The following SEMA3B variants were observed in gnomAD, a reference collection of about 807,000 sequenced individuals.
SEMA3B encodes the protein semaphorin-3B.
SEMA3B carries 71 observed loss-of-function variants against 77.8 expected under a neutral mutation model. The observed-to-expected ratio is 0.91, with a 90% CI of 0.75 to 1.11. The LOEUF (loss-of-function observed/expected upper bound fraction) is 1.11. Ranked by LOEUF, SEMA3B falls within the 50% of genes most tolerant of loss-of-function variation. The probability of loss-of-function intolerance (pLI) is 0.00; values close to 1 mark genes in which losing one functional copy is unlikely to be tolerated. For missense variants in SEMA3B, 968 were observed against 1,056.8 expected (o/e 0.92, Z 1.17); for synonymous variants, 470 against 452.9 (o/e 1.04, Z -0.48).
At position 50,273,881 on chromosome 3, in the gene SEMA3B, G is replaced by T; in HGVS notation, c.993-32G>T. On this transcript the variant is annotated intron_variant, in intron 9 of 16. Transcript: ENST00000616701. The surrounding 1 kb of genome is among the most constrained non-coding windows in gnomAD (Gnocchi z 6.5). Reference sequence around the variant, plus strand: ...GGGGCGGGCCGCTGGGCTCCACCCGGCCCCTCACCTCGCCCTGGTCTTCGC... The same window carrying T: ...GGGGCGGGCCGCTGGGCTCCACCCGTCCCCTCACCTCGCCCTGGTCTTCGC... The T allele has an allele frequency of 6.3e-7, 1 of 1,575,634 alleles. No individual in the cohort carries two copies.
At chr3:50,272,527 A>G (rs1203019062) in intron 6 of SEMA3B, among the ~76,000 whole-genome samples, 2 of 152,108 alleles carry the variant, frequency 1.3e-5, no homozygotes, top group Admixed American at 1.3e-4. Context: ...CCTGGCCAAC[A>G]TGGTGTAACC....
At chr3:50,262,161 G>A in the SEMA3B span, 1 of 152,180 alleles carries the variant, frequency 6.6e-6, no homozygotes, top group African/African-American at 2.4e-5. Flanking sequence ...TGGGCATGAT[G>A]ACGGGTGCCT....
At position 50,271,116 on chromosome 3, in the gene SEMA3B, G is replaced by A. The variant is rs781984445; in HGVS notation, c.479G>A (p.Arg160Lys). Reference protein sequence around the residue: ...EEPVLRLDPGRIEDGKGKSPY... With the variant: ...EEPVLRLDPGKIEDGKGKSPY... ...CCCGTCCTCCGGCTGGACCCAGGAAGGATAGAGGATGGCAAGGGGAAGAGT... is the reference window on the plus strand; with the variant it reads ...CCCGTCCTCCGGCTGGACCCAGGAAAGATAGAGGATGGCAAGGGGAAGAGT... Residue 160 changes from arginine (R) to lysine (K), a missense_variant, in exon 5 of 17, where the codon AGG (arginine) becomes AAG (lysine). By Grantham distance (26) the Arg-to-Lys change is conservative. Coordinates refer to ENST00000616701, the MANE Select transcript of SEMA3B (RefSeq NM_001290060.2). 8 of 1,584,410 alleles carry A rather than the reference G, an allele frequency of 5.0e-6. No individual in the cohort carries two copies. In the South Asian group the frequency reaches 9.2e-5, roughly 18 times the overall value.
At position 50,275,734 on chromosome 3, in the gene SEMA3B, A is replaced by G. The variant is rs1553706493; in HGVS notation, c.1735A>G (p.Lys579Glu). Residue 579 changes from lysine (K) to glutamate (E), a missense_variant, in exon 16 of 17, where the codon AAG (lysine) becomes GAG (glutamate). Transcript: ENST00000616701. This position sits in a 1 kb window ranked among gnomAD's most constrained non-coding sequence, Gnocchi z 7.5. ...DSSRPALLEH[K>E]VFGVEGSSAF... ...GTCTCGTCCCGCGCTGCTGGAACAC[A>G]AGGTGTTCGGCGTGGAGGGCAGCAG... is the stretch of plus-strand genomic sequence containing the variant. 2 of 1,613,170 alleles carry G rather than the reference A, an allele frequency of 1.2e-6. No homozygotes were observed. The highest frequency in any genetic ancestry group is 1.7e-6 in the Non-Finnish European group (2 of 1,179,710).
chr3:50,272,243 G>C (rs587717404), intron 6 of SEMA3B, among the ~76,000 whole-genome samples: 2 of 152,258 alleles, frequency 1.3e-5, no homozygotes, highest in South Asian at 4.1e-4. Flanking sequence ...CTGCAGGACA[G>C]AGCAGACCCT....
At position 50,270,498 on chromosome 3, in the gene SEMA3B, G is replaced by A; in HGVS notation, c.330+3G>A. ...ACTGGGCAGGGAAGGACATTGGTGTGAGTGCCAGCTGCCCGGGCCGGGAGT... is the reference window on the plus strand; with the variant it reads ...ACTGGGCAGGGAAGGACATTGGTGTAAGTGCCAGCTGCCCGGGCCGGGAGT... On this transcript the variant is annotated splice_donor_region_variant and intron_variant, in intron 3 of 16. Coordinates refer to ENST00000616701, the MANE Select transcript of SEMA3B (RefSeq NM_001290060.2). This position sits in a 1 kb window ranked among gnomAD's most constrained non-coding sequence, Gnocchi z 4.7. 1 of 1,613,548 alleles carries A rather than the reference G, an allele frequency of 6.2e-7. No individual in the cohort carries two copies. Among genetic ancestry groups the A allele is most frequent in the Non-Finnish European group, 8.5e-7 (1 of 1,179,864 alleles).
chr3:50,272,855 A>AAATAATAATAATAATAATAATAAT lies in SEMA3B; in HGVS notation c.665-440_665-417dup, dbSNP rs55666696. Reference sequence around the variant, plus strand: ...TGTCTCAAAAAATAAATAAATAAACAAATAATAATAATAATAATAATAATA... The same window carrying AAATAATAATAATAATAATAATAAT: ...TGTCTCAAAAAATAAATAAATAAACAAATAATAATAATAATAATAATAATAATAATAATAATAATAATAATAATA... On this transcript the variant is annotated intron_variant, in intron 6 of 16. Transcript: ENST00000616701. Among the ~76,000 whole-genome samples the AAATAATAATAATAATAATAATAAT allele has an allele frequency of 9.5e-3, 1,377 of 145,544 alleles. 14 individuals are homozygous for AAATAATAATAATAATAATAATAAT. The highest frequency in any genetic ancestry group is 0.023 in the African/African-American group (925 of 39,562).
rs1254890011 is a variant in SEMA3B, at chr3:50,269,899, T to G, written c.110-228T>G. 6.6e-6 allele frequency among the ~76,000 whole-genome samples: 1 copy of G among 152,178 alleles called. No individual in the cohort carries two copies. The highest frequency in any genetic ancestry group is 1.5e-5 in the Non-Finnish European group (1 of 68,018). On this transcript the variant is annotated intron_variant, in intron 1 of 16. Coordinates refer to ENST00000616701, the MANE Select transcript of SEMA3B (RefSeq NM_001290060.2). This position sits in a 1 kb window ranked among gnomAD's most constrained non-coding sequence, Gnocchi z 4.0. ...CACCACCTGTCTGAGCATGCCCAAG[T>G]TCAACCTGCCTTCCTCTTCCTGGGG...
the SEMA3B span, chr3:50,261,718 AGGGAGCCC>A: frequency 6.6e-6 from 1 of 152,368 alleles, no homozygotes; most frequent in Non-Finnish European, 1.5e-5. Flanking sequence ...CCCATGTTCC[AGGGAGCCC>A]CATGGCTTCT....
Position 50,275,338 on chromosome 3 carries a change from C to A in SEMA3B, c.1528C>A (p.Gln510Lys). 1 of 1,581,310 alleles carries A rather than the reference C, an allele frequency of 6.3e-7. No homozygotes were observed. The highest frequency in any genetic ancestry group is 2.3e-5 in the East Asian group (1 of 42,854). Reference sequence around the variant, plus strand: ...CGTAGCCTCGCGGAGCGCGGTGGCCCAGATCGCGTTGCACCGCTGCGCTGC... The same window carrying A: ...CGTAGCCTCGCGGAGCGCGGTGGCCAAGATCGCGTTGCACCGCTGCGCTGC... ...LYVASRSAVAQIALHRCAAHG... is the reference protein window; with the variant it reads ...LYVASRSAVAKIALHRCAAHG... The change falls in exon 14 of 17, where the codon CAG (glutamine) becomes AAG (lysine). Residue 510 changes from glutamine to lysine, a missense_variant. Coordinates refer to ENST00000616701, the MANE Select transcript of SEMA3B (RefSeq NM_001290060.2). The surrounding 1 kb of genome is among the most constrained non-coding windows in gnomAD (Gnocchi z 7.5).
Position 50,275,065 on chromosome 3 carries a change from G to A in SEMA3B, c.1491+12G>A. 6.3e-7 allele frequency: 1 copy of A among 1,576,866 alleles called. No homozygotes were observed. The highest frequency in any genetic ancestry group is 8.6e-7 in the Non-Finnish European group (1 of 1,157,392). On this transcript the variant is annotated intron_variant, in intron 13 of 16. Transcript: ENST00000616701. This position sits in a 1 kb window ranked among gnomAD's most constrained non-coding sequence, Gnocchi z 7.5. ...TTTCTTCCAAGAGGGTGAGTGACCA[G>A]GATGGGGGTCGGGGTGGGATGGACT...
At position 50,269,163 on chromosome 3, in the gene SEMA3B, C is replaced by T; in HGVS notation, c.-78C>T. 1 of 1,092,030 alleles carries T rather than the reference C, an allele frequency of 9.2e-7. No homozygotes were observed. The highest frequency in any genetic ancestry group is 1.3e-6 in the Non-Finnish European group (1 of 744,026). The allele number at this position is 1,092,030 out of a possible 1,614,324, so 67.6% of individuals were successfully genotyped here. On this transcript the variant is annotated 5_prime_UTR_variant, in exon 1 of 17. Transcript: ENST00000616701. The surrounding 1 kb of genome is among the most constrained non-coding windows in gnomAD (Gnocchi z 4.0). Reference sequence around the variant, plus strand: ...CTCACTGCTGACTCCTCTTCCAGATCCTGGGGCAGAGTCCAGGGCAGCTCA... The same window carrying T: ...CTCACTGCTGACTCCTCTTCCAGATTCTGGGGCAGAGTCCAGGGCAGCTCA...
At position 50,276,765 on chromosome 3, in the gene SEMA3B, C is replaced by G. The variant is rs1701269984; in HGVS notation, c.*59C>G. On this transcript the variant is annotated 3_prime_UTR_variant, in exon 17 of 17. Transcript: ENST00000616701. The surrounding 1 kb of genome is among the most constrained non-coding windows in gnomAD (Gnocchi z 5.8). ...GACGACAGGCGAGAGAGGAGCCAGA[C>G]AGACCCTGAAAAGAAGGACGGGTTG... The G allele has an allele frequency of 7.0e-7, 1 of 1,419,754 alleles. No homozygotes were observed. The highest frequency in any genetic ancestry group is 9.1e-7 in the Non-Finnish European group (1 of 1,094,074). 87.9% of individuals were successfully genotyped at this position (1,419,754 alleles called of 1,614,324 possible).
Position 50,271,595 on chromosome 3 carries a change from C to T in SEMA3B, c.664+115C>T. 5.6e-6 allele frequency: 8 copies of T among 1,433,948 alleles called. No individual in the cohort carries two copies. The Admixed American group carries it at 1.3e-4, about 24-fold the overall frequency. 88.8% of individuals were successfully genotyped at this position (1,433,948 alleles called of 1,614,324 possible). A position where few individuals can be genotyped will look rare whatever the true frequency, so the allele number is the denominator to read the frequency against. ...GTGTGGCCAGGTCTTACCAAATACC[C>T]TCCTTAATCAGGCACTGGCGTCACA... On this transcript the variant is annotated intron_variant, in intron 6 of 16. Coordinates refer to ENST00000616701, the MANE Select transcript of SEMA3B (RefSeq NM_001290060.2).
upstream of SEMA3B, among the ~76,000 whole-genome samples, chr3:50,268,623 C>CA (rs1389329737): frequency 1.3e-5 from 2 of 152,250 alleles, no homozygotes; most frequent in Non-Finnish European, 2.9e-5. Flanking sequence ...AACACATTCA[C>CA]AGGCACCCAC....
chr3:50,273,753 C>T lies in SEMA3B; in HGVS notation c.923-6C>T, dbSNP rs1553705888. ...GCCCTACCCCAGCTAGGCCCCTTCC[C>T]CGCAGAGGATGTGTTTCTGTTGTCC... On this transcript the variant is annotated splice_region_variant and splice_polypyrimidine_tract_variant and intron_variant, in intron 8 of 16. Transcript: ENST00000616701. The surrounding 1 kb of genome is among the most constrained non-coding windows in gnomAD (Gnocchi z 6.5). 1.3e-5 allele frequency: 21 copies of T among 1,603,636 alleles called. No individual in the cohort carries two copies. Among genetic ancestry groups the T allele is most frequent in the Non-Finnish European group, 1.7e-5 (20 of 1,177,726 alleles).
chr3:50,269,956 G>A lies in SEMA3B; in HGVS notation c.110-171G>A, dbSNP rs1005403442. ...ACCACCTACCCTGGCAGCTCCACAC[G>A]TGCACCTGGGTGGGCTTGGGTTTGC... is the stretch of plus-strand genomic sequence containing the variant. On this transcript the variant is annotated intron_variant, in intron 1 of 16. Transcript: ENST00000616701. This position sits in a 1 kb window ranked among gnomAD's most constrained non-coding sequence, Gnocchi z 4.0. Among the ~76,000 whole-genome samples the A allele has an allele frequency of 3.3e-5, 5 of 152,116 alleles. No individual in the cohort carries two copies. Among genetic ancestry groups the A allele is most frequent in the Non-Finnish European group, 7.4e-5 (5 of 68,022 alleles).
In SEMA3B at chr3:50,276,708, C is replaced by T. The variant is rs2109253133; in HGVS notation, c.*2C>T. On this transcript the variant is annotated 3_prime_UTR_variant, in exon 17 of 17. Coordinates refer to ENST00000616701, the MANE Select transcript of SEMA3B (RefSeq NM_001290060.2). The surrounding 1 kb of genome is among the most constrained non-coding windows in gnomAD (Gnocchi z 5.8). ...CCGCGCAGCGCAACGCACTGGTGAC[C>T]AGACTGTCCCCACGCCGGGAACCAA... 1 of 1,502,038 alleles carries T rather than the reference C, an allele frequency of 6.7e-7. No individual in the cohort carries two copies. Among genetic ancestry groups the T allele is most frequent in the Non-Finnish European group, 8.8e-7 (1 of 1,133,862 alleles). 93.0% of individuals were successfully genotyped at this position (1,502,038 alleles called of 1,614,324 possible).
rs782054981 is a variant in SEMA3B, at chr3:50,273,918, T to C, written c.998T>C (p.Ile333Thr). ...LYAVFSTSSS[I>T]FQGSAVCVYS... The stretch of plus-strand genomic sequence containing the variant: ...GCCCTGGTCTTCGCCTCCAGCAGCA[T>C]CTTCCAGGGCTCTGCGGTGTGCGTG... Residue 333 changes from isoleucine to threonine, a missense_variant, in exon 10 of 17, where the codon ATC becomes ACC. By Grantham distance (89) the Ile-to-Thr change is moderately conservative (BLOSUM62 -1). Transcript: ENST00000616701. The surrounding 1 kb of genome is among the most constrained non-coding windows in gnomAD (Gnocchi z 6.5). 4.4e-6 allele frequency: 7 copies of C among 1,599,896 alleles called. No individual in the cohort carries two copies. In the East Asian group the frequency reaches 1.3e-4, roughly 31 times the overall value.
Sources: gnomAD v4.1 joint callset for allele counts (sites outside exome capture counted in the v4.1 genomes callset) on GRCh38, gnomAD v4.1.1 for gene constraint, Gnocchi (gnomAD v3.1) non-coding constraint, MANE v1.5 for transcripts, NCBI Gene and HGNC (gene_info 2026-07-23, HGNC 2026-07-21) for gene names.